The following CDH23 variants were observed in gnomAD, a reference collection of about 807,000 sequenced individuals.
The protein encoded by CDH23 is cadherin related 23, also known as cadherin-23.
In CDH23, 189 loss-of-function variants were observed where a neutral mutation model predicts 317.1. The ratio of observed to expected loss-of-function variants is 0.60; its 90% CI spans 0.53 to 0.67. The LOEUF (loss-of-function observed/expected upper bound fraction) is 0.67. Ranked by LOEUF, CDH23 falls within the 30% of genes least tolerant of loss-of-function variation. CDH23 has a pLI of 0.00. For missense variants in CDH23, 4,401 were observed against 4,592.4 expected (o/e 0.96, Z 1.20); for synonymous variants, 1,839 against 1,876.8 (o/e 0.98, Z 0.52).
intron 3 of CDH23, among the ~76,000 whole-genome samples, chr10:71,482,056 G>T (rs571442617): frequency 4.2e-4 from 64 of 152,234 alleles, no homozygotes; most frequent in Middle Eastern, 6.8e-3. Flanking sequence ...GAGGCCCTTC[G>T]CAATGAGGGC....
intron 6 of CDH23, among the ~76,000 whole-genome samples, chr10:71,556,258 G>C (rs1856870744): frequency 6.6e-6 from 1 of 152,170 alleles, no homozygotes; most frequent in Non-Finnish European, 1.5e-5. Flanking sequence ...TGCTGGATGA[G>C]TGCTTTAAGG....
At chr10:71,707,156 G>A (rs749537674) in intron 26 of CDH23, 107 bp downstream of exon 26, 3 of 1,546,948 alleles carry the variant, frequency 1.9e-6, no homozygotes, top group East Asian at 4.9e-5. Context: ...GTGGAAAAGA[G>A]GTCAGGGCTC....
intron 11 of CDH23, among the ~76,000 whole-genome samples, chr10:71,626,168 T>A (rs776507909): frequency 6.6e-6 from 1 of 152,234 alleles, no homozygotes; most frequent in Non-Finnish European, 1.5e-5. Context: ...GCTCTGTGGT[T>A]CCTTGTATTT....
At chr10:71,617,719 G>A in intron 11 of CDH23, 1 of 243,636 alleles carries the variant, frequency 4.1e-6, no homozygotes, top group Non-Finnish European at 6.6e-6. Context: ...GTAGAAATAA[G>A]GCCAGGTGCA....
At chr10:71,578,457 T>A (rs1371379261) in intron 9 of CDH23, among the ~76,000 whole-genome samples, 1 of 152,164 alleles carries the variant, frequency 6.6e-6, no homozygotes, top group Non-Finnish European at 1.5e-5. Flanking sequence ...TTTTCACATT[T>A]CCAACCCTTA....
At position 71,812,861 on chromosome 10, in the gene CDH23, G is replaced by A. The variant is rs2133008277; in HGVS notation, c.9604G>A (p.Gly3202Ser). Residue 3202 changes from glycine to serine, a missense_variant, in exon 68 of 70, where the codon GGC becomes AGC. Transcript: ENST00000224721. The part of the protein sequence containing the change: ...IQEYDNIAKL[G>S]QIIREGPIKG... ...GGAGTATGACAACATTGCCAAGCTG[G>A]GCCAGATCATTCGTGAGGGGCCAAT... 4 of 1,613,682 alleles carry A rather than the reference G, an allele frequency of 2.5e-6. No individual in the cohort carries two copies. Among genetic ancestry groups the A allele is most frequent in the Non-Finnish European group, 3.4e-6 (4 of 1,179,766 alleles).
intron 11 of CDH23, among the ~76,000 whole-genome samples, chr10:71,626,882 A>G (rs991471728): frequency 4.6e-5 from 7 of 152,216 alleles, no homozygotes; most frequent in Non-Finnish European, 1.0e-4. Context: ...GATTTCATCA[A>G]TGAAGTAAAG....
intron 30 of CDH23, among the ~76,000 whole-genome samples, chr10:71,727,462 G>A (rs7922119): frequency 0.26 from 39,032 of 152,138 alleles, 5,708 homozygotes; most frequent in South Asian, 0.39. Flanking sequence ...AGAGCTGGGG[G>A]CCTTCCTGAA....
At chr10:71,683,418 C>T (rs1444026175) in intron 18 of CDH23, among the ~76,000 whole-genome samples, 1 of 152,238 alleles carries the variant, frequency 6.6e-6, no homozygotes, top group Non-Finnish European at 1.5e-5. Context: ...CTTCCTGTCA[C>T]AGCCAGCTTC....
chr10:71,793,173 C>T lies in CDH23; in HGVS notation c.6254-9C>T, dbSNP rs1336693251. 1 of 1,604,612 alleles carries T rather than the reference C, an allele frequency of 6.2e-7. No individual in the cohort carries two copies. The highest frequency in any genetic ancestry group is 8.5e-7 in the Non-Finnish European group (1 of 1,173,960). ...TGTGCGCAGCTACTCCCTTTTCCCT[C>T]TCCAACAGGATTCTCAGTCCTTCAA... On this transcript the variant is annotated splice_polypyrimidine_tract_variant and intron_variant, in intron 47 of 69. Transcript: ENST00000224721.
intron 38 of CDH23, chr10:71,753,047 T>TA (rs763136961): frequency 6.2e-7 from 1 of 1,601,890 alleles, no homozygotes; most frequent in Non-Finnish European, 8.5e-7. Context: ...AGGGAAGGCT[T>TA]CCCCATACAA....
At chr10:71,563,583 T>A (rs1273916720) in intron 6 of CDH23, among the ~76,000 whole-genome samples, 2 of 152,170 alleles carry the variant, frequency 1.3e-5, no homozygotes, top group Non-Finnish European at 2.9e-5. Flanking sequence ...CTTCCCCCTT[T>A]ATGTGGGGCT....
chr10:71,468,960 C>T (rs2132080871), intron 3 of CDH23, among the ~76,000 whole-genome samples: 1 of 152,286 alleles, frequency 6.6e-6, no homozygotes, highest in Middle Eastern at 3.4e-3. Context: ...TGCCAGGCTC[C>T]TTCTCTGTGG....
At chr10:71,567,084 GAGGCTGGCATT>G in intron 7 of CDH23, 148 bp downstream of exon 7, 1 of 856,846 alleles carries the variant, frequency 1.2e-6, no homozygotes. Context: ...TGATAGAAAT[GAGGCTGGCATT>G]ACTGAGGCTT....
intron 9 of CDH23, among the ~76,000 whole-genome samples, chr10:71,599,990 C>CTTTTTTTTTTTTTT (rs1174206523): frequency 3.7e-5 from 4 of 109,542 alleles, no homozygotes; most frequent in African/African-American, 1.5e-4. Context: ...AATGTCTTTC[C>CTTTTTTTTTTTTTT]TTTTTTTTTT....
intron 3 of CDH23, among the ~76,000 whole-genome samples, chr10:71,451,279 G>T (rs188939528): frequency 1.3e-5 from 2 of 152,306 alleles, no homozygotes; most frequent in Non-Finnish European, 2.9e-5. Context: ...CCACGCTGCG[G>T]CCTTTTTTAT....
chr10:71,479,874 G>A (rs1288112063), intron 3 of CDH23, among the ~76,000 whole-genome samples: 1 of 152,188 alleles, frequency 6.6e-6, no homozygotes, highest in Non-Finnish European at 1.5e-5. Flanking sequence ...GGAGCCATAG[G>A]TCAGAGACAT....
chr10:71,739,729 C>T lies in CDH23; in HGVS notation c.4445C>T (p.Ala1482Val). The stretch of plus-strand genomic sequence containing the variant: ...GACTCCATTGGCGAAGTGTTTGTGG[C>T]CAGGCCCCTGGACAGAGAAGAGCTG... ...TNDSIGEVFV[A>V]RPLDREELDH... is the part of the protein sequence containing the mutation. Residue 1482 changes from alanine to valine, a missense_variant, in exon 36 of 70, where the codon GCC (alanine) becomes GTC (valine). Physicochemically the swap from Ala to Val is moderately conservative, Grantham distance 64 (BLOSUM62 0). This residue lies in a region of CDH23 where 3,068 missense variants were observed against 3,203.3 expected (regional missense o/e 0.96). Transcript: ENST00000224721. 4 of 1,613,272 alleles carry T rather than the reference C, an allele frequency of 2.5e-6. No individual in the cohort carries two copies. Among genetic ancestry groups the T allele is most frequent in the Non-Finnish European group, 3.4e-6 (4 of 1,179,672 alleles).
intron 28 of CDH23, 71 bp from the exon 29 acceptor site, chr10:71,723,974 G>A (rs1866688299): frequency 3.3e-6 from 5 of 1,517,458 alleles, no homozygotes; most frequent in Non-Finnish European, 4.5e-6. Context: ...GGAAGGAAAG[G>A]AACTCTAAAA....
Sources: allele counts gnomAD v4.1 joint callset (sites outside exome capture counted in the v4.1 genomes callset), GRCh38; gene constraint gnomAD v4.1.1; regional missense constraint gnomAD v4.1.1; transcripts MANE v1.5; gene names NCBI Gene and HGNC (gene_info 2026-07-23, HGNC 2026-07-21).